PLCH2: variants seen among roughly 807,000 people sequenced by gnomAD.
The protein encoded by PLCH2 is 1-phosphatidylinositol 4,5-bisphosphate phosphodiesterase eta-2.
In PLCH2, 98 loss-of-function variants were observed where a neutral mutation model predicts 134.7. That is an observed-to-expected ratio of 0.73 (90% confidence interval 0.62 to 0.86). The LOEUF is 0.86. PLCH2 is among the 40% of genes least tolerant of loss of function. The pLI is 0.00. For missense variants in PLCH2, 1,994 were observed against 1,986.6 expected (o/e 1.00, Z -0.07); for synonymous variants, 974 against 827.5 (o/e 1.18, Z -3.04).
At chr1:2,470,157 T>G (rs968030878) in intron 1 of PLCH2, among the ~76,000 whole-genome samples, 1 of 152,230 alleles carries the variant, frequency 6.6e-6, no homozygotes, top group African/African-American at 2.4e-5. Context: ...TCTGAGGGAC[T>G]TGAGTGGTCT....
At chr1:2,454,303 C>T (rs1640383170) in intron 2 of PLCH2, among the ~76,000 whole-genome samples, 1 of 152,206 alleles carries the variant, frequency 6.6e-6, no homozygotes, top group African/African-American at 2.4e-5. Flanking sequence ...CACCCTGACA[C>T]GTGGGGATCC....
intron 2 of PLCH2, among the ~76,000 whole-genome samples, chr1:2,460,779 G>C (rs1464992156): frequency 2.0e-5 from 3 of 152,090 alleles, no homozygotes; most frequent in Non-Finnish European, 4.4e-5. Flanking sequence ...GCAGCCAGGG[G>C]CTGACCTGAG....
At chr1:2,435,142 G>C (rs1639266390) in intron 2 of PLCH2, among the ~76,000 whole-genome samples, 1 of 152,338 alleles carries the variant, frequency 6.6e-6, no homozygotes, top group South Asian at 2.1e-4. Context: ...CAGGAGCTCT[G>C]CTGGGAGGAG....
At chr1:2,430,451 G>C (rs142516311) in exon 2 of PLCH2, 3 of 152,360 alleles carry the variant, frequency 2.0e-5, no homozygotes, top group Admixed American at 6.5e-5. Context: ...GCCGGCCCCA[G>C]CTGGTGATCC....
chr1:2,490,282 T>G (rs1171765353), intron 10 of PLCH2, among the ~76,000 whole-genome samples: 1 of 152,192 alleles, frequency 6.6e-6, no homozygotes, highest in African/African-American at 2.4e-5. Flanking sequence ...GGCTGGACGC[T>G]GGGTGGCTGG....
At position 2,489,324 on chromosome 1, in the gene PLCH2, A is replaced by G. The variant is rs368056476; in HGVS notation, c.1353A>G (p.Glu451=). 2.2e-5 allele frequency: 36 copies of G among 1,613,734 alleles called. No homozygotes were observed. The highest frequency in any genetic ancestry group is 3.1e-5 in the Non-Finnish European group (36 of 1,179,882). The change falls in exon 9 of 22, where the codon GAA becomes GAG. Residue 451 remains glutamate, a synonymous_variant. Transcript: ENST00000378486. ...DKLDLSSVSS[E]DATTLPSPQM... ...TGGACCTGTCATCAGTGAGCAGTGA[A>G]GATGCCACCACACTCCCCTCTCCAC...
intron 11 of PLCH2, 22 bp downstream of exon 11, chr1:2,491,357 C>T (rs538492734): frequency 1.9e-6 from 3 of 1,606,028 alleles, no homozygotes; most frequent in Admixed American, 3.4e-5. Flanking sequence ...AAAGGTGACA[C>T]CCCTGATGCC....
intron 2 of PLCH2, among the ~76,000 whole-genome samples, chr1:2,436,019 TCTCCTCC>T (rs1347471374): frequency 2.2e-5 from 1 of 45,498 alleles, no homozygotes; most frequent in Non-Finnish European, 4.1e-5. Context: ...TTCCCTCCTC[TCTCCTCC>T]CTCCTCCCCT....
At chr1:2,495,423 C>A (rs371332465) in intron 12 of PLCH2, 65 bp from the exon 13 acceptor site, 12 of 1,404,628 alleles carry the variant, frequency 8.5e-6, no homozygotes, top group South Asian at 2.5e-5. Context: ...CCCAACCCCC[C>A]AGCCTTCGCC....
At chr1:2,447,246 T>G (rs1570283883) in intron 2 of PLCH2, among the ~76,000 whole-genome samples, 1 of 152,110 alleles carries the variant, frequency 6.6e-6, no homozygotes, top group African/African-American at 2.4e-5. Context: ...GGCTGCAGGG[T>G]GGGGCCCCAA....
intron 21 of PLCH2, chr1:2,502,904 T>G (rs1643317262): frequency 1.4e-6 from 1 of 717,184 alleles, no homozygotes; most frequent in South Asian, 1.5e-5. Flanking sequence ...CCCCATGTTC[T>G]CCGCCGGTAA....
In PLCH2 at chr1:2,486,951, G is replaced by GT. The variant is rs1642318809; in HGVS notation, c.864dup (p.Glu289Ter). 1 of 1,608,780 alleles carries GT rather than the reference G, an allele frequency of 6.2e-7. No individual in the cohort carries two copies. The highest frequency in any genetic ancestry group is 1.3e-5 in the African/African-American group (1 of 74,818). Reference sequence around the variant, plus strand: ...AGAGCTGCCAGGACATCATCGAGCAGTTTGAGCCATGCCCAGAAAACAAGA... The same window carrying GT: ...AGAGCTGCCAGGACATCATCGAGCAGTTTTGAGCCATGCCCAGAAAACAAGA... On this transcript the variant is annotated frameshift_variant, in exon 6 of 22. Transcript: ENST00000378486. LOFTEE classifies it high-confidence loss of function.
upstream of PLCH2, chr1:2,467,421 GC>G (rs1437155956): frequency 1.0e-5 from 4 of 380,962 alleles, no homozygotes; most frequent in African/African-American, 9.1e-5. Flanking sequence ...CCCAGCGGCG[GC>G]CCCGTCCCGC....
At chr1:2,425,246 A>C (rs951810839), upstream of PLCH2, among the ~76,000 whole-genome samples, 16 of 143,826 alleles carry the variant, frequency 1.1e-4, no homozygotes, top group African/African-American at 4.5e-4. Context: ...ACACATATGT[A>C]ACACACACAT....
Position 2,444,152 on chromosome 1 carries a change from C to A in PLCH2, c.115+13523C>A, listed in dbSNP as rs1442803910. ...GGCGCGGGACTGTGGGCGGGACGGG[C>A]GGAGCGGTCTTGAGCTCTCCGGATG... On this transcript the variant is annotated intron_variant, in intron 2 of 3. Transcript: ENST00000609981. The surrounding 1 kb of genome is among the most constrained non-coding windows in gnomAD (Gnocchi z 4.6). 3.3e-5 allele frequency among the ~76,000 whole-genome samples: 5 copies of A among 152,146 alleles called. No homozygotes were observed. The highest frequency in any genetic ancestry group is 3.3e-4 in the Admixed American group (5 of 15,288).
chr1:2,468,039 C>T (rs1251978855), intron 1 of PLCH2, among the ~76,000 whole-genome samples: 2 of 152,190 alleles, frequency 1.3e-5, no homozygotes, highest in African/African-American at 4.8e-5. Flanking sequence ...GTCCTGACCT[C>T]CAGCTTGATC....
At chr1:2,429,745 A>G (rs920984738) in intron 1 of PLCH2, among the ~76,000 whole-genome samples, 3 of 152,108 alleles carry the variant, frequency 2.0e-5, no homozygotes, top group Non-Finnish European at 4.4e-5. Flanking sequence ...CACTGGTGAG[A>G]CCACAGGGCT....
intron 1 of PLCH2, among the ~76,000 whole-genome samples, chr1:2,468,456 C>T (rs1641174259): frequency 6.6e-6 from 1 of 152,198 alleles, no homozygotes; most frequent in Non-Finnish European, 1.5e-5. Flanking sequence ...GGGCAGGCCC[C>T]TTCAGCACTG....
intron 1 of PLCH2, among the ~76,000 whole-genome samples, chr1:2,468,805 T>G (rs940756739): frequency 6.6e-6 from 1 of 152,056 alleles, no homozygotes; most frequent in African/African-American, 2.4e-5. Flanking sequence ...CCGTGTGACC[T>G]CACACAAGGG....
Sources: gnomAD v4.1 joint callset for allele counts (sites outside exome capture counted in the v4.1 genomes callset) on GRCh38, gnomAD v4.1.1 for gene constraint, Gnocchi (gnomAD v3.1) non-coding constraint, MANE v1.5 for transcripts, NCBI Gene and HGNC (gene_info 2026-07-23, HGNC 2026-07-21) for gene names.